The following TNR variants were observed in gnomAD, a reference collection of about 807,000 sequenced individuals.
TNR encodes the protein tenascin R.
Under a neutral mutation model 150.4 loss-of-function variants are expected in TNR, and 45 were observed. The ratio of observed to expected loss-of-function variants is 0.30; its 90% confidence interval spans 0.24 to 0.38. The LOEUF (loss-of-function observed/expected upper bound fraction) is 0.38, where lower values mean the gene tolerates loss of function less well. Among genes scored for constraint, TNR ranks in the 10% least tolerant of loss-of-function variants. The probability of loss-of-function intolerance (pLI) is 1.00; values close to 1 mark genes in which losing one functional copy is unlikely to be tolerated. For missense variants in TNR, 1,544 were observed against 1,759.1 expected (o/e 0.88, Z 2.19); for synonymous variants, 687 against 678.4 (o/e 1.01, Z -0.20).
At chr1:175,609,025 C>T (rs1033338964) in intron 1 of TNR, among the ~76,000 whole-genome samples, 2 of 152,214 alleles carry the variant, frequency 1.3e-5, no homozygotes, top group South Asian at 2.1e-4. Context: ...AAAGGGAATA[C>T]TCCTCACAGC....
In TNR at chr1:175,460,137, G is replaced by T. The variant is rs77588502; in HGVS notation, c.-63-53360C>A. Among the ~76,000 whole-genome samples the T allele has an allele frequency of 9.6e-3, 1,458 of 152,260 alleles. 25 individuals carry two copies. The highest frequency in any genetic ancestry group is 0.033 in the African/African-American group (1,375 of 41,536). On this transcript the variant is annotated intron_variant, in intron 2 of 22. Transcript: ENST00000367674. ...GGTTTTTCCCCTGAGCTGGAGGCAG[G>T]GATCCTTTGCCTTTCAGTGAAGGTG...
chr1:175,471,664 G>C (rs952548079), intron 2 of TNR, among the ~76,000 whole-genome samples: 1 of 152,206 alleles, frequency 6.6e-6, no homozygotes, highest in Non-Finnish European at 1.5e-5. Flanking sequence ...GTCACTGTGT[G>C]AGTGGTGAGT....
chr1:175,476,138 C>A (rs1247833460), intron 2 of TNR, among the ~76,000 whole-genome samples: 2 of 152,112 alleles, frequency 1.3e-5, no homozygotes, highest in Non-Finnish European at 1.5e-5. Flanking sequence ...TCCACTCCAC[C>A]CTTGGGCATT....
chr1:175,740,310 A>C (rs182639968), intron 1 of TNR, among the ~76,000 whole-genome samples: 63 of 152,360 alleles, frequency 4.1e-4, no homozygotes, highest in Admixed American at 3.5e-3. Flanking sequence ...GAGAAATTGG[A>C]AAGAAGCACA....
intron 1 of TNR, among the ~76,000 whole-genome samples, chr1:175,737,649 TGAG>T (rs1667808340): frequency 6.6e-6 from 1 of 152,204 alleles, no homozygotes; most frequent in Non-Finnish European, 1.5e-5. Flanking sequence ...CCATGCAGTT[TGAG>T]GAGGACACAT....
chr1:175,584,983 G>T lies in TNR; in HGVS notation c.-164-56614C>A, dbSNP rs77607475. Among the ~76,000 whole-genome samples, 266 of 152,272 alleles carry T rather than the reference G, an allele frequency of 1.7e-3. 4 individuals are homozygous for T. The East Asian group carries it at 0.042, about 24-fold the overall frequency. On this transcript the variant is annotated intron_variant, in intron 1 of 22. Coordinates refer to ENST00000367674, the MANE Select transcript of TNR (RefSeq NM_003285.3). ...AAGCAGTCTGGACAGGGGTGTGTCT[G>T]CACGTCATTGGTTTACTGGCTTCCC...
At chr1:175,546,737 G>A (rs1660703871) in intron 1 of TNR, among the ~76,000 whole-genome samples, 1 of 152,184 alleles carries the variant, frequency 6.6e-6, no homozygotes, top group African/African-American at 2.4e-5. Context: ...GCTCTGAACT[G>A]GAGAGGATTC....
Position 175,396,674 on chromosome 1 carries a change from C to A in TNR, c.1110G>T (p.Gln370His), listed in dbSNP as rs1296658311. ...CACTCCAATCTCCAGGCACCCGCTG[C>A]TGGAGCTGGAGGCCCCCCAGGGCCG... ...QPTALGGLQLQQRVPGDWSGV... is the reference protein window; with the variant it reads ...QPTALGGLQLHQRVPGDWSGV... The change falls in exon 5 of 23, where the codon CAG becomes CAT. Residue 370 changes from glutamine to histidine, a missense_variant. Physicochemically the swap from Gln to His is conservative, Grantham distance 24. Around this residue, in one of 2 missense-constraint regions of TNR, gnomAD observed 1,254 missense variants for 1,329.4 expected, o/e 0.94. Coordinates refer to ENST00000367674, the MANE Select transcript of TNR (RefSeq NM_003285.3). 1 of 1,614,250 alleles carries A rather than the reference C, an allele frequency of 6.2e-7. No homozygotes were observed. The highest frequency in any genetic ancestry group is 8.5e-7 in the Non-Finnish European group (1 of 1,180,052).
intron 2 of TNR, among the ~76,000 whole-genome samples, chr1:175,509,528 C>T (rs1180816028): frequency 6.6e-6 from 1 of 152,204 alleles, no homozygotes; most frequent in African/African-American, 2.4e-5. Flanking sequence ...CTTCTCCCTC[C>T]CTAACTCCCT....
intron 4 of TNR, among the ~76,000 whole-genome samples, chr1:175,402,171 G>A (rs951895430): frequency 2.6e-5 from 4 of 151,534 alleles, no homozygotes; most frequent in South Asian, 2.1e-4. Context: ...GCCGGGCGCG[G>A]TGGTGGGCGC....
intron 1 of TNR, among the ~76,000 whole-genome samples, chr1:175,565,707 G>C (rs917159976): frequency 2.0e-5 from 3 of 152,138 alleles, no homozygotes; most frequent in Admixed American, 2.0e-4. Flanking sequence ...AATTAAGAAA[G>C]TGCACAAGAC....
rs1048306238 is a variant in TNR, at chr1:175,320,089, A to C, written c.*3268T>G. On this transcript the variant is annotated 3_prime_UTR_variant, in exon 23 of 23. Coordinates refer to ENST00000367674, the MANE Select transcript of TNR (RefSeq NM_003285.3). ...TGGTTTTGGTTTTGGGTATTAGTAC[A>C]TATCCTGATGTGTCTGTAGTTAAAC... is the stretch of plus-strand genomic sequence containing the variant. 3.9e-5 allele frequency: 6 copies of C among 152,346 alleles called. 1 individual carries two copies. Among genetic ancestry groups the C allele is most frequent in the Admixed American group, 3.9e-4 (6 of 15,288 alleles). The allele number at this position is 152,346 out of a possible 1,614,324, so 9.4% of individuals were successfully genotyped here. A position where few individuals can be genotyped will look rare whatever the true frequency, so the allele number is the denominator to read the frequency against.
chr1:175,613,113 G>A (rs1225110042), intron 1 of TNR, among the ~76,000 whole-genome samples: 3 of 152,326 alleles, frequency 2.0e-5, no homozygotes, highest in Admixed American at 6.5e-5. Flanking sequence ...AGCAGTGAAA[G>A]GTTGCCAGGA....
intron 2 of TNR, among the ~76,000 whole-genome samples, chr1:175,471,770 A>G (rs1571488781): frequency 6.6e-6 from 1 of 152,248 alleles, no homozygotes; most frequent in East Asian, 1.9e-4. Context: ...TTTTTTCTTC[A>G]ATTATAAATT....
intron 1 of TNR, among the ~76,000 whole-genome samples, chr1:175,716,147 A>G (rs903248772): frequency 6.6e-6 from 1 of 151,950 alleles, no homozygotes; most frequent in South Asian, 2.1e-4. Context: ...AGGCTTTCCC[A>G]CCTGAGCCCT....
chr1:175,517,028 AG>A (rs1210742135), intron 2 of TNR, among the ~76,000 whole-genome samples: 3 of 146,468 alleles, frequency 2.0e-5, no homozygotes, highest in African/African-American at 8.1e-5. Context: ...AGAGAGAGAG[AG>A]AGAGAGAGAG....
intron 3 of TNR, among the ~76,000 whole-genome samples, 159 bp from the exon 4 acceptor site, chr1:175,403,775 T>C (rs1274983066): frequency 2.0e-5 from 3 of 152,178 alleles, no homozygotes; most frequent in Non-Finnish European, 4.4e-5. Context: ...ATTTAATAAA[T>C]ATTTTCACCT....
chr1:175,701,403 A>G (rs1470982394), intron 1 of TNR, among the ~76,000 whole-genome samples: 1 of 151,338 alleles, frequency 6.6e-6, no homozygotes, highest in African/African-American at 2.5e-5. Flanking sequence ...CAAACAAACA[A>G]ACAAACAAAA....
At chr1:175,510,431 A>G (rs184670567) in intron 2 of TNR, among the ~76,000 whole-genome samples, 1 of 151,532 alleles carries the variant, frequency 6.6e-6, no homozygotes, top group African/African-American at 2.4e-5. Flanking sequence ...GTTACTTTTG[A>G]CCCTCACTCA....
Sources: gnomAD v4.1 joint callset for allele counts (sites outside exome capture counted in the v4.1 genomes callset) on GRCh38, gnomAD v4.1.1 for gene constraint, gnomAD v4.1.1 regional missense constraint, MANE v1.5 for transcripts, NCBI Gene and HGNC (gene_info 2026-07-23, HGNC 2026-07-21) for gene names.